Variants in NCKAP5 observed in about 807,000 individuals in gnomAD.
The protein encoded by NCKAP5 is NCK associated protein 5.
NCKAP5 carries 92 observed loss-of-function variants against 167.0 expected under a neutral mutation model. That is an observed-to-expected ratio of 0.55 (90% CI 0.47 to 0.66). The LOEUF (loss-of-function observed/expected upper bound fraction) is 0.66. NCKAP5 is among the 30% of genes least tolerant of loss of function. The pLI, the probability that NCKAP5 is intolerant of heterozygous loss-of-function variation, is 0.00. For missense variants in NCKAP5, 2,378 were observed against 2,315.0 expected (o/e 1.03, Z -0.56); for synonymous variants, 891 against 877.4 (o/e 1.02, Z -0.27).
chr2:133,593,405 A>G, the NCKAP5 span, among the ~76,000 whole-genome samples: 2 of 152,018 alleles, frequency 1.3e-5, no homozygotes, highest in Admixed American at 1.3e-4. Context: ...CCCTTGGACC[A>G]ATGGTGTCTT....
At chr2:133,548,545 C>T (rs1414377280) in intron 2 of NCKAP5, among the ~76,000 whole-genome samples, 1 of 151,872 alleles carries the variant, frequency 6.6e-6, no homozygotes, top group East Asian at 1.9e-4. Flanking sequence ...AGAAACCCTA[C>T]AAGCCAGAAC....
At chr2:133,248,474 G>T (rs1464123201) in intron 4 of NCKAP5, among the ~76,000 whole-genome samples, 2 of 152,194 alleles carry the variant, frequency 1.3e-5, no homozygotes, top group African/African-American at 4.8e-5. Context: ...ACTAAACAGG[G>T]CAGGGAATAT....
intron 4 of NCKAP5, among the ~76,000 whole-genome samples, chr2:133,216,495 C>T (rs188509295): frequency 8.5e-5 from 13 of 152,082 alleles, no homozygotes; most frequent in Non-Finnish European, 1.5e-4. Flanking sequence ...AACATGAAAA[C>T]GTAAGCCAAT....
intron 11 of NCKAP5, among the ~76,000 whole-genome samples, chr2:132,827,335 T>G: frequency 6.6e-6 from 1 of 152,208 alleles, no homozygotes; most frequent in East Asian, 1.9e-4. Flanking sequence ...TTTTTATGTG[T>G]TTGTTGGCCA....
intron 8 of NCKAP5, among the ~76,000 whole-genome samples, chr2:132,908,622 A>G (rs1285056777): frequency 6.6e-6 from 1 of 152,220 alleles, no homozygotes; most frequent in East Asian, 1.9e-4. Context: ...TTTTAAGCCA[A>G]AAATGCAGGA....
At chr2:132,987,946 T>C (rs999068570) in intron 7 of NCKAP5, among the ~76,000 whole-genome samples, 1 of 152,212 alleles carries the variant, frequency 6.6e-6, no homozygotes, top group African/African-American at 2.4e-5. Flanking sequence ...AAGCGTTTTA[T>C]GAAAATTCAG....
intron 4 of NCKAP5, among the ~76,000 whole-genome samples, chr2:133,234,426 G>A (rs912778584): frequency 7.9e-5 from 12 of 152,078 alleles, no homozygotes; most frequent in African/African-American, 2.9e-4. Context: ...CAAACTATGA[G>A]ACCATTAGTT....
At chr2:133,297,366 G>T (rs1680041891) in intron 4 of NCKAP5, among the ~76,000 whole-genome samples, 1 of 152,090 alleles carries the variant, frequency 6.6e-6, no homozygotes, top group Non-Finnish European at 1.5e-5. Context: ...AAAGACAATT[G>T]AGCTTTTAAA....
intron 3 of NCKAP5, among the ~76,000 whole-genome samples, chr2:133,344,203 T>G (rs1368788112): frequency 6.6e-6 from 1 of 152,014 alleles, no homozygotes; most frequent in Non-Finnish European, 1.5e-5. Flanking sequence ...AGGTCAGGCA[T>G]TCGAGACCAG....
intron 19 of NCKAP5, among the ~76,000 whole-genome samples, chr2:132,700,813 T>C (rs550778750): frequency 7.2e-5 from 11 of 152,240 alleles, no homozygotes; most frequent in East Asian, 1.9e-4. Flanking sequence ...TAGATTCATA[T>C]GTTTTTAGAA....
At chr2:133,356,958 C>A (rs1373736263) in intron 3 of NCKAP5, among the ~76,000 whole-genome samples, 18 of 152,022 alleles carry the variant, frequency 1.2e-4, no homozygotes, top group Admixed American at 1.2e-3. Flanking sequence ...GTCAAGGAAC[C>A]AAGATTCTTG....
intron 1 of NCKAP5, among the ~76,000 whole-genome samples, chr2:133,562,708 G>T (rs1163072780): frequency 6.6e-6 from 1 of 152,156 alleles, no homozygotes. Context: ...CTCCTCAAAG[G>T]AATCACTAAT....
At chr2:132,884,059 C>T (rs1320625237) in intron 8 of NCKAP5, among the ~76,000 whole-genome samples, 1 of 152,168 alleles carries the variant, frequency 6.6e-6, no homozygotes, top group Non-Finnish European at 1.5e-5. Context: ...CAGAACTCCT[C>T]AAACACTGTT....
At chr2:133,411,614 A>G (rs1323298231) in intron 3 of NCKAP5, among the ~76,000 whole-genome samples, 1 of 152,194 alleles carries the variant, frequency 6.6e-6, no homozygotes, top group African/African-American at 2.4e-5. Context: ...TGGAAAAGCT[A>G]GCAGCAGCAT....
At chr2:133,044,837 G>A (rs78793106) in intron 6 of NCKAP5, among the ~76,000 whole-genome samples, 3,291 of 152,176 alleles carry the variant, frequency 0.022, 49 homozygotes, top group Middle Eastern at 0.037. Context: ...CACTTTGGGA[G>A]GCCGAGGTAG....
At chr2:133,274,611 A>G (rs560280042) in intron 4 of NCKAP5, among the ~76,000 whole-genome samples, 1 of 152,190 alleles carries the variant, frequency 6.6e-6, no homozygotes, top group African/African-American at 2.4e-5. Flanking sequence ...ACCTTACTAT[A>G]AAACAATGTA....
At chr2:132,777,167 C>T (rs1682625407) in intron 15 of NCKAP5, among the ~76,000 whole-genome samples, 1 of 152,120 alleles carries the variant, frequency 6.6e-6, no homozygotes, top group African/African-American at 2.4e-5. Flanking sequence ...AATGATTTAT[C>T]TCTAACTCTT....
At chr2:133,237,738 C>T (rs2087490523) in intron 4 of NCKAP5, among the ~76,000 whole-genome samples, 1 of 152,226 alleles carries the variant, frequency 6.6e-6, no homozygotes, top group African/African-American at 2.4e-5. Context: ...GATGTCTCAC[C>T]TCAGCATTGA....
intron 2 of NCKAP5, among the ~76,000 whole-genome samples, chr2:133,558,704 C>CAAAAAA (rs60051493): frequency 0.15 from 7,828 of 50,768 alleles, 2,123 homozygotes; most frequent in African/African-American, 0.2. Context: ...ATGTGCTGAG[C>CAAAAAA]AAAAAAAAAA....
Sources: allele counts gnomAD v4.1 joint callset (sites outside exome capture counted in the v4.1 genomes callset), GRCh38; gene constraint gnomAD v4.1.1; transcripts MANE v1.5; gene names NCBI Gene and HGNC (gene_info 2026-07-23, HGNC 2026-07-21).